The following NRXN3 variants were observed in gnomAD, a reference collection of about 807,000 sequenced individuals.
NRXN3 encodes the protein neurexin 3.
In NRXN3, 32 loss-of-function variants were observed where a neutral mutation model predicts 137.6. That is an observed-to-expected ratio of 0.23 (90% CI 0.18 to 0.31). The LOEUF (loss-of-function observed/expected upper bound fraction) is 0.31, where lower values mean the gene tolerates loss of function less well. Ranked by LOEUF, NRXN3 falls within the 10% of genes least tolerant of loss-of-function variation. The probability of loss-of-function intolerance (pLI) is 1.00; values close to 1 mark genes in which losing one functional copy is unlikely to be tolerated. For synonymous variants in NRXN3, 798 were observed against 784.5 expected, an observed-to-expected ratio of 1.02 and a Z score of -0.29; for missense variants, 1,574 against 2,062.5, an observed-to-expected ratio of 0.76 and a Z score of 4.59.
rs77594725 is a variant in NRXN3, at chr14:78,493,808, C to T, written c.758-151312C>T. ...CAAAGCAGGATAAAATAAATACAAA[C>T]AAAAAATCAACACCTACACCAAACC... is the stretch of plus-strand genomic sequence containing the variant. On this transcript the variant is annotated intron_variant, in intron 4 of 20. Coordinates refer to ENST00000335750, the MANE Select transcript of NRXN3 (RefSeq NM_001330195.2). 9.2e-5 allele frequency among the ~76,000 whole-genome samples: 14 copies of T among 152,196 alleles called. 1 individual carries two copies. The East Asian group carries it at 2.7e-3, about 29-fold the overall frequency.
At chr14:79,521,199 T>C (rs2097060641) in intron 16 of NRXN3, among the ~76,000 whole-genome samples, 1 of 152,176 alleles carries the variant, frequency 6.6e-6, no homozygotes, top group Non-Finnish European at 1.5e-5. Context: ...CCTGGTCCTC[T>C]CCTGTTACTT....
At chr14:79,292,849 T>C (rs990759500) in intron 15 of NRXN3, among the ~76,000 whole-genome samples, 1 of 152,208 alleles carries the variant, frequency 6.6e-6, no homozygotes, top group Admixed American at 6.5e-5. Flanking sequence ...AGATCAGACA[T>C]GAGAACTAAG....
chr14:78,664,456 T>A (rs1242953028), intron 6 of NRXN3, among the ~76,000 whole-genome samples: 1 of 152,214 alleles, frequency 6.6e-6, no homozygotes. Flanking sequence ...TCTTTGATAC[T>A]GTCTCCTGCT....
At chr14:78,294,103 AATTAATC>A (rs1397124103) in intron 3 of NRXN3, among the ~76,000 whole-genome samples, 1 of 152,176 alleles carries the variant, frequency 6.6e-6, no homozygotes, top group Non-Finnish European at 1.5e-5. Context: ...TTATTGTCTG[AATTAATC>A]ATTTGACACT....
intron 15 of NRXN3, among the ~76,000 whole-genome samples, chr14:79,257,749 A>C (rs2076993990): frequency 6.6e-6 from 1 of 151,830 alleles, no homozygotes; most frequent in Admixed American, 6.6e-5. Flanking sequence ...ACTCAGGAAG[A>C]TCATGATATC....
intron 1 of NRXN3, among the ~76,000 whole-genome samples, chr14:78,185,927 G>T (rs1345957303): frequency 6.6e-6 from 1 of 152,186 alleles, no homozygotes; most frequent in Non-Finnish European, 1.5e-5. Flanking sequence ...ACAAGCATTT[G>T]GACTTTAGTC....
At chr14:79,366,583 C>T (rs1223758111) in intron 15 of NRXN3, among the ~76,000 whole-genome samples, 1 of 152,164 alleles carries the variant, frequency 6.6e-6, no homozygotes, top group Non-Finnish European at 1.5e-5. Flanking sequence ...CTAATTTAGA[C>T]TCTTCTCCTC....
intron 19 of NRXN3, among the ~76,000 whole-genome samples, chr14:79,759,241 G>T (rs560246998): frequency 8.0e-4 from 119 of 148,016 alleles, no homozygotes; most frequent in Non-Finnish European, 1.4e-3. Flanking sequence ...TTTTTAATAA[G>T]AAGTGGCTAA....
intron 15 of NRXN3, among the ~76,000 whole-genome samples, chr14:79,226,133 C>T (rs76742522): frequency 0.036 from 5,415 of 152,152 alleles, 354 homozygotes; most frequent in African/African-American, 0.12. Flanking sequence ...TCCTTCCTTC[C>T]ACACATTAAC....
At chr14:79,599,308 C>T (rs1274793920) in intron 16 of NRXN3, among the ~76,000 whole-genome samples, 1 of 152,198 alleles carries the variant, frequency 6.6e-6, no homozygotes, top group Admixed American at 6.5e-5. Flanking sequence ...CTATCTGGAA[C>T]TTATCTCCCT....
At chr14:79,145,568 T>C (rs2059231470) in intron 15 of NRXN3, among the ~76,000 whole-genome samples, 1 of 152,194 alleles carries the variant, frequency 6.6e-6, no homozygotes, top group African/African-American at 2.4e-5. Flanking sequence ...ATTGTTTTTA[T>C]ACCAGCCTCA....
At chr14:79,529,105 G>A (rs2097147297) in intron 16 of NRXN3, among the ~76,000 whole-genome samples, 1 of 152,122 alleles carries the variant, frequency 6.6e-6, no homozygotes, top group Non-Finnish European at 1.5e-5. Context: ...TTATTCAGCT[G>A]GGAGTATGGG....
intron 4 of NRXN3, among the ~76,000 whole-genome samples, chr14:78,415,700 G>A (rs2093096258): frequency 6.6e-6 from 1 of 152,116 alleles, no homozygotes; most frequent in African/African-American, 2.4e-5. Context: ...CTTATCCCCA[G>A]GGTGATGGTG....
chr14:79,275,529 A>G (rs1000274120), intron 15 of NRXN3, among the ~76,000 whole-genome samples: 5 of 152,172 alleles, frequency 3.3e-5, no homozygotes, highest in Non-Finnish European at 5.9e-5. Flanking sequence ...ACAGTACTGT[A>G]GAAAACAAGC....
intron 15 of NRXN3, among the ~76,000 whole-genome samples, chr14:79,347,843 T>C (rs762558090): frequency 1.3e-5 from 2 of 152,212 alleles, no homozygotes; most frequent in Non-Finnish European, 2.9e-5. Context: ...GTTTTAGAAA[T>C]ATGTGGAAAG....
chr14:78,879,436 T>C (rs2099122244), intron 10 of NRXN3, among the ~76,000 whole-genome samples: 1 of 152,222 alleles, frequency 6.6e-6, no homozygotes, highest in African/African-American at 2.4e-5. Context: ...TAAGGTGATA[T>C]TTCGTTGTGG....
intron 16 of NRXN3, among the ~76,000 whole-genome samples, chr14:79,580,440 T>G (rs116041761): frequency 0.088 from 13,300 of 151,718 alleles, 1,194 homozygotes; most frequent in African/African-American, 0.23. Context: ...ATTATGTTTT[T>G]TTTTTTTTTT....
intron 4 of NRXN3, among the ~76,000 whole-genome samples, chr14:78,408,351 T>G (rs1326848110): frequency 6.6e-6 from 1 of 152,142 alleles, no homozygotes. Context: ...AATTACCTGT[T>G]TACACTTCTG....
chr14:79,756,748 T>G (rs1357669191), intron 19 of NRXN3, among the ~76,000 whole-genome samples: 1 of 152,200 alleles, frequency 6.6e-6, no homozygotes, highest in African/African-American at 2.4e-5. Flanking sequence ...TAGAGAATTT[T>G]GGGCTTGAGT....
Sources: gnomAD v4.1 joint callset for allele counts (sites outside exome capture counted in the v4.1 genomes callset) on GRCh38, gnomAD v4.1.1 for gene constraint, MANE v1.5 for transcripts, NCBI Gene and HGNC (gene_info 2026-07-23, HGNC 2026-07-21) for gene names.